Variants in GPR137B observed in about 807,000 individuals in gnomAD.
GPR137B encodes integral membrane protein GPR137B.
GPR137B carries 42 observed loss-of-function variants against 42.5 expected under a neutral mutation model. The observed-to-expected ratio is 0.99, with a 90% CI of 0.77 to 1.28. GPR137B has a LOEUF of 1.28. Ranked by LOEUF, GPR137B falls within the 50% of genes most tolerant of loss-of-function variation. GPR137B has a pLI of 0.00. For missense variants in GPR137B, 487 were observed against 493.9 expected (o/e 0.99, Z 0.13); for synonymous variants, 218 against 209.7 (o/e 1.04, Z -0.34).
In GPR137B at chr1:236,145,722, G is replaced by A. The variant is rs1426999242; in HGVS notation, c.414+2686G>A. On this transcript the variant is annotated intron_variant, in intron 1 of 6. Coordinates refer to ENST00000366592, the MANE Select transcript of GPR137B (RefSeq NM_003272.4). Reference sequence around the variant, plus strand: ...ACCAGAACTCTCTGAAGAAAGTACCGGTATTGTCCCCATTTTCCAGAGGAG... The same window carrying A: ...ACCAGAACTCTCTGAAGAAAGTACCAGTATTGTCCCCATTTTCCAGAGGAG... Among the ~76,000 whole-genome samples the A allele has an allele frequency of 2.0e-5, 3 of 151,940 alleles. No homozygotes were observed. In the South Asian group the frequency reaches 6.2e-4, roughly 32 times the overall value.
chr1:236,178,785 G>GTTTTGTTTTTTTT (rs1662772317), intron 3 of GPR137B, 149 bp downstream of exon 3: 1 of 48,310 alleles, frequency 2.1e-5, no homozygotes, highest in African/African-American at 6.6e-5. Flanking sequence ...GCTACTCGAG[G>GTTTTGTTTTTTTT]TTTTTTTTTT....
intron 5 of GPR137B, among the ~76,000 whole-genome samples, chr1:236,204,340 T>C (rs1394173348): frequency 1.3e-5 from 2 of 152,366 alleles, no homozygotes; most frequent in East Asian, 1.9e-4. Flanking sequence ...TGCATCAATA[T>C]TTATCAGAGA....
intron 1 of GPR137B, among the ~76,000 whole-genome samples, chr1:236,149,617 G>T (rs183500721): frequency 2.0e-5 from 3 of 152,236 alleles, no homozygotes; most frequent in Admixed American, 2.0e-4. Flanking sequence ...AATACCTGTC[G>T]TGTGGCAGGC....
In GPR137B at chr1:236,156,477, G is replaced by A. The variant is rs1403696965; in HGVS notation, c.415-12229G>A. 1.3e-5 allele frequency among the ~76,000 whole-genome samples: 2 copies of A among 152,204 alleles called. No homozygotes were observed. The highest frequency in any genetic ancestry group is 4.8e-5 in the African/African-American group (2 of 41,458). ...GTGGGGCTGTGGTGGTGGTTATCCA[G>A]GTCCTGAGTCCCTGGACCTATAGCC... On this transcript the variant is annotated intron_variant, in intron 1 of 6. Coordinates refer to ENST00000366592, the MANE Select transcript of GPR137B (RefSeq NM_003272.4). The surrounding 1 kb of genome is among the most constrained non-coding windows in gnomAD (Gnocchi z 4.8).
At chr1:236,174,055 C>G (rs1180932809) in intron 2 of GPR137B, among the ~76,000 whole-genome samples, 3 of 152,134 alleles carry the variant, frequency 2.0e-5, no homozygotes, top group Non-Finnish European at 4.4e-5. Context: ...TAAGGAAATA[C>G]AATGATGTAT....
chr1:236,188,555 T>C (rs1192734759), intron 5 of GPR137B, among the ~76,000 whole-genome samples: 2 of 152,226 alleles, frequency 1.3e-5, no homozygotes, highest in Non-Finnish European at 2.9e-5. Context: ...TCGAAGGTCT[T>C]TTCTGCATCT....
rs369205755 is a variant in GPR137B, at chr1:236,171,551, C to G, written c.464+2796C>G. Among the ~76,000 whole-genome samples, 11 of 152,298 alleles carry G rather than the reference C, an allele frequency of 7.2e-5. 1 individual carries two copies. Among genetic ancestry groups the G allele is most frequent in the African/African-American group, 2.6e-4 (11 of 41,562 alleles). On this transcript the variant is annotated intron_variant, in intron 2 of 6. Coordinates refer to ENST00000366592, the MANE Select transcript of GPR137B (RefSeq NM_003272.4). This position sits in a 1 kb window ranked among gnomAD's most constrained non-coding sequence, Gnocchi z 4.4. ...GTCAGAAAGGAAATTGTTTAAAAAG[C>G]TTTCAACCTCTGAGCACGGGGACTG...
At chr1:236,179,649 T>G (rs1662808326) in intron 3 of GPR137B, among the ~76,000 whole-genome samples, 1 of 152,178 alleles carries the variant, frequency 6.6e-6, no homozygotes, top group African/African-American at 2.4e-5. Flanking sequence ...AAATGGTGCA[T>G]ATTTTAACCC....
intron 2 of GPR137B, among the ~76,000 whole-genome samples, chr1:236,169,210 G>GCAGGTGCAGGTGCAGGTA (rs1553362957): frequency 1.5e-5 from 2 of 133,374 alleles, no homozygotes; most frequent in African/African-American, 7.2e-5. Flanking sequence ...AGGTGCAGGT[G>GCAGGTGCAGGTGCAGGTA]CAGGTACAGG....
intron 2 of GPR137B, among the ~76,000 whole-genome samples, chr1:236,169,234 G>A (rs372410750): frequency 3.7e-4 from 49 of 131,758 alleles, no homozygotes; most frequent in African/African-American, 1.3e-3. Context: ...AGGTACAGGT[G>A]CAGGTGCAGG....
chr1:236,143,547 T>A (rs567751226), intron 1 of GPR137B, among the ~76,000 whole-genome samples: 1 of 152,330 alleles, frequency 6.6e-6, no homozygotes, highest in Admixed American at 6.5e-5. Flanking sequence ...ATGAGATGTT[T>A]TGAACCTCCG....
chr1:236,176,450 C>T (rs1054657092), intron 2 of GPR137B, among the ~76,000 whole-genome samples: 7 of 152,088 alleles, frequency 4.6e-5, no homozygotes, highest in African/African-American at 1.7e-4. Context: ...AGGGCACACA[C>T]GTTCCTTACT....
rs79542199 is a variant in GPR137B, at chr1:236,156,940, G to A, written c.415-11766G>A. On this transcript the variant is annotated intron_variant, in intron 1 of 6. Coordinates refer to ENST00000366592, the MANE Select transcript of GPR137B (RefSeq NM_003272.4). This position sits in a 1 kb window ranked among gnomAD's most constrained non-coding sequence, Gnocchi z 4.8. ...TGTGGTCACAGTTTAGTAGCTGTGC[G>A]TTTAGAATCATGGTTTGCGAACATA... 0.14 allele frequency among the ~76,000 whole-genome samples: 21,438 copies of A among 152,172 alleles called. 1,909 individuals carry two copies. The highest frequency in any genetic ancestry group is 0.25 in the Admixed American group (3,837 of 15,284).
chr1:236,178,518 T>C lies in GPR137B; in HGVS notation c.569T>C (p.Ile190Thr). The change falls in exon 3 of 7, where the codon ATC (isoleucine) becomes ACC (threonine). Residue 190 changes from isoleucine to threonine, a missense_variant. Transcript: ENST00000366592. ...ACGGGAAATTGGGAGAGGAAGGTTA[T>C]CGTCTCTGTGCGAGTGGCCATTAAT... is the stretch of plus-strand genomic sequence containing the variant. ...VKTGNWERKV[I>T]VSVRVAINDT... The C allele has an allele frequency of 6.2e-7, 1 of 1,613,528 alleles. No homozygotes were observed. Among genetic ancestry groups the C allele is most frequent in the African/African-American group, 1.3e-5 (1 of 74,978 alleles).
intron 2 of GPR137B, among the ~76,000 whole-genome samples, chr1:236,170,456 G>A (rs1462127541): frequency 6.6e-6 from 1 of 152,148 alleles, no homozygotes; most frequent in East Asian, 1.9e-4. Flanking sequence ...AAGACTCACC[G>A]TCCCGGGTTT....
chr1:236,179,934 C>T lies in GPR137B; in HGVS notation c.743C>T (p.Thr248Ile). Residue 248 changes from threonine (T) to isoleucine (I), a missense_variant, in exon 4 of 7, where the codon ACC (threonine) becomes ATC (isoleucine). Thr to Ile is a moderately conservative substitution (Grantham distance 89). Coordinates refer to ENST00000366592, the MANE Select transcript of GPR137B (RefSeq NM_003272.4). ...GGTGTCACCGTGATACTGCTTTACA[C>T]CTCTCGGGCCTGCTACAACCTGTTC... Reference protein sequence around the residue: ...AIGVTVILLYTSRACYNLFIL... With the variant: ...AIGVTVILLYISRACYNLFIL... 1.2e-6 allele frequency: 2 copies of T among 1,611,090 alleles called. No individual in the cohort carries two copies. The highest frequency in any genetic ancestry group is 1.3e-5 in the African/African-American group (1 of 74,998).
rs774618115 is a variant in GPR137B at position 236,142,642 on chromosome 1, G to A, written c.20G>A (p.Arg7Gln). Residue 7 changes from arginine to glutamine, a missense_variant, in exon 1 of 7, where the codon CGG (arginine) becomes CAG (glutamine). Arg to Gln is a conservative substitution (Grantham distance 43). Transcript: ENST00000366592. The part of the protein sequence containing the change: MRPERP[R>Q]PRGSAPGPME... ...GCCCCGATGAGGCCCGAGCGTCCCC[G>A]GCCGCGCGGCAGCGCCCCCGGCCCG... 4.0e-6 allele frequency: 6 copies of A among 1,493,122 alleles called. No individual in the cohort carries two copies. Among genetic ancestry groups the A allele is most frequent in the South Asian group, 2.6e-5 (2 of 77,148 alleles). The allele number at this position is 1,493,122 out of a possible 1,614,324, so 92.5% of individuals were successfully genotyped here. A position where few individuals can be genotyped will look rare whatever the true frequency, so the allele number is the denominator to read the frequency against.
rs79547447 is a variant in GPR137B at position 236,204,368 on chromosome 1, A to G, written c.967-758A>G. ...ATCAGAGATATTGGCCTACAGTTTTATGTGTCTTTGGTTTTAGTATCAGGG... is the reference window on the plus strand; with the variant it reads ...ATCAGAGATATTGGCCTACAGTTTTGTGTGTCTTTGGTTTTAGTATCAGGG... On this transcript the variant is annotated intron_variant, in intron 5 of 6. Coordinates refer to ENST00000366592, the MANE Select transcript of GPR137B (RefSeq NM_003272.4). Among the ~76,000 whole-genome samples the G allele has an allele frequency of 3.2e-4, 49 of 152,126 alleles. No homozygotes were observed. The East Asian group carries it at 9.5e-3, about 29-fold the overall frequency.
At position 236,194,349 on chromosome 1, in the gene GPR137B, A is replaced by G. The variant is rs144938421; in HGVS notation, c.966+10443A>G. On this transcript the variant is annotated intron_variant, in intron 5 of 6. Coordinates refer to ENST00000366592, the MANE Select transcript of GPR137B (RefSeq NM_003272.4). Reference sequence around the variant, plus strand: ...ATACATTTTGAGTTATTTTTTGTATATGGTGTGAGATAAGGATCCAACTTC... The same window carrying G: ...ATACATTTTGAGTTATTTTTTGTATGTGGTGTGAGATAAGGATCCAACTTC... Among the ~76,000 whole-genome samples, 700 of 152,182 alleles carry G rather than the reference A, an allele frequency of 4.6e-3. 5 individuals carry two copies. Among genetic ancestry groups the G allele is most frequent in the African/African-American group, 0.015 (642 of 41,506 alleles).
Sources: gnomAD v4.1 joint callset for allele counts (sites outside exome capture counted in the v4.1 genomes callset) on GRCh38, gnomAD v4.1.1 for gene constraint, Gnocchi (gnomAD v3.1) non-coding constraint, MANE v1.5 for transcripts, NCBI Gene and HGNC (gene_info 2026-07-23, HGNC 2026-07-21) for gene names.